Variants in NKAIN3 observed in about 807,000 individuals in gnomAD.
NKAIN3 encodes sodium/potassium-transporting ATPase subunit beta-1-interacting protein 3.
A neutral mutation model predicts 30.2 loss-of-function variants in NKAIN3; 25 were observed. That is an observed-to-expected ratio of 0.83 (90% confidence interval 0.60 to 1.16). The LOEUF (loss-of-function observed/expected upper bound fraction) is 1.16. Ranked by LOEUF, NKAIN3 falls within the 50% of genes most tolerant of loss-of-function variation. The probability of loss-of-function intolerance (pLI) is 0.00; values close to 1 mark genes in which losing one functional copy is unlikely to be tolerated. For synonymous variants in NKAIN3, 91 were observed against 89.6 expected, an observed-to-expected ratio of 1.02 and a Z score of -0.09; for missense variants, 225 against 254.1, an observed-to-expected ratio of 0.89 and a Z score of 0.78.
intron 3 of NKAIN3, among the ~76,000 whole-genome samples, chr8:62,740,180 G>C (rs1002410043): frequency 6.6e-6 from 1 of 152,012 alleles, no homozygotes; most frequent in Non-Finnish European, 1.5e-5. Context: ...AGAAAAATAA[G>C]ACATTTGCCC....
intron 1 of NKAIN3, among the ~76,000 whole-genome samples, chr8:62,347,895 T>A (rs1373491575): frequency 6.6e-6 from 1 of 152,094 alleles, no homozygotes; most frequent in African/African-American, 2.4e-5. Context: ...AAGAGATTCT[T>A]CATTAATCAG....
chr8:62,251,597 A>T (rs1812105193), intron 1 of NKAIN3, among the ~76,000 whole-genome samples: 1 of 152,234 alleles, frequency 6.6e-6, no homozygotes, highest in African/African-American at 2.4e-5. Flanking sequence ...ATTGGATAAT[A>T]GTTTTTAAAT....
rs201511724 is a variant in NKAIN3, at chr8:62,454,301, C to CAAA, written c.55-125218_55-125216dup. Among the ~76,000 whole-genome samples the CAAA allele has an allele frequency of 3.5e-3, 198 of 56,128 alleles. 15 individuals are homozygous for CAAA. Among genetic ancestry groups the CAAA allele is most frequent in the African/African-American group, 8.8e-3 (157 of 17,788 alleles). 36.8% of individuals were successfully genotyped at this position (56,128 alleles called of 152,430 possible). ...ACCAACACTAACAATAGCTGATGTG[C>CAAA]AAAAAAAAAAAAAAAAAAAAAATCT... is the stretch of plus-strand genomic sequence containing the variant. On this transcript the variant is annotated intron_variant, in intron 1 of 6. Transcript: ENST00000623646.
At chr8:62,794,579 G>A (rs1466978468) in intron 4 of NKAIN3, among the ~76,000 whole-genome samples, 1 of 152,072 alleles carries the variant, frequency 6.6e-6, no homozygotes, top group Non-Finnish European at 1.5e-5. Context: ...GAAAAGTAAG[G>A]GTAGCGAGCA....
intron 1 of NKAIN3, among the ~76,000 whole-genome samples, chr8:62,337,827 T>C (rs1815615530): frequency 6.6e-6 from 1 of 152,034 alleles, no homozygotes; most frequent in South Asian, 2.1e-4. Context: ...CTGAATTAAT[T>C]TCACAACTGC....
intron 1 of NKAIN3, among the ~76,000 whole-genome samples, chr8:62,526,376 T>G (rs1808305388): frequency 6.6e-6 from 1 of 152,124 alleles, no homozygotes; most frequent in African/African-American, 2.4e-5. Context: ...ATAGCAAAAT[T>G]TCCATTATAG....
intron 3 of NKAIN3, among the ~76,000 whole-genome samples, chr8:62,615,194 A>G (rs1178657541): frequency 6.6e-6 from 1 of 152,160 alleles, no homozygotes; most frequent in Non-Finnish European, 1.5e-5. Flanking sequence ...TCAGAGCCCA[A>G]CAGCTCTTCA....
At chr8:62,661,933 A>G (rs190192296) in intron 3 of NKAIN3, among the ~76,000 whole-genome samples, 1 of 152,204 alleles carries the variant, frequency 6.6e-6, no homozygotes, top group East Asian at 1.9e-4. Context: ...CCACTCACCA[A>G]GGTCTCCAGC....
At chr8:62,513,510 A>C (rs1375435752) in intron 1 of NKAIN3, among the ~76,000 whole-genome samples, 1 of 152,150 alleles carries the variant, frequency 6.6e-6, no homozygotes, top group African/African-American at 2.4e-5. Context: ...AGCTGCAATC[A>C]GATAGATGAG....
At chr8:62,264,290 G>A (rs1812540131) in intron 1 of NKAIN3, among the ~76,000 whole-genome samples, 1 of 152,148 alleles carries the variant, frequency 6.6e-6, no homozygotes, top group Admixed American at 6.5e-5. Flanking sequence ...TGGTGTTATT[G>A]TCCCACTTTG....
At chr8:62,466,165 A>T (rs1161517341) in intron 1 of NKAIN3, among the ~76,000 whole-genome samples, 1 of 152,208 alleles carries the variant, frequency 6.6e-6, no homozygotes, top group Non-Finnish European at 1.5e-5. Context: ...CGAAAGTTCA[A>T]GTTAATAATG....
chr8:62,391,142 T>A (rs1244940564), intron 1 of NKAIN3, among the ~76,000 whole-genome samples: 1 of 152,060 alleles, frequency 6.6e-6, no homozygotes, highest in Non-Finnish European at 1.5e-5. Context: ...AATGTTGTCT[T>A]CCAGAAATTG....
At chr8:62,841,258 A>G (rs1819522659) in intron 4 of NKAIN3, among the ~76,000 whole-genome samples, 1 of 152,164 alleles carries the variant, frequency 6.6e-6, no homozygotes. Context: ...TGTATATAAT[A>G]CGGAGTTATT....
intron 4 of NKAIN3, among the ~76,000 whole-genome samples, chr8:62,868,689 GA>G (rs1285510435): frequency 6.6e-5 from 10 of 152,290 alleles, no homozygotes; most frequent in African/African-American, 1.2e-4. Flanking sequence ...CTTATATCCT[GA>G]AAAACTTAGT....
At chr8:62,932,597 T>A (rs1822654789) in intron 5 of NKAIN3, among the ~76,000 whole-genome samples, 2 of 152,138 alleles carry the variant, frequency 1.3e-5, no homozygotes, top group Admixed American at 6.5e-5. Context: ...AAAATCTGGA[T>A]CAATCAGGAA....
intron 1 of NKAIN3, among the ~76,000 whole-genome samples, chr8:62,511,388 C>T (rs948629003): frequency 1.3e-5 from 2 of 152,118 alleles, no homozygotes; most frequent in Non-Finnish European, 2.9e-5. Context: ...GCAGCCTGCC[C>T]GCTGCAGGCC....
intron 1 of NKAIN3, among the ~76,000 whole-genome samples, chr8:62,414,527 G>A (rs1346501012): frequency 2.6e-5 from 4 of 152,144 alleles, no homozygotes; most frequent in African/African-American, 9.7e-5. Context: ...TAATGCCGAA[G>A]ATCTGATAAG....
chr8:62,754,028 T>C (rs1271073448), intron 4 of NKAIN3, among the ~76,000 whole-genome samples: 1 of 152,160 alleles, frequency 6.6e-6, no homozygotes, highest in Non-Finnish European at 1.5e-5. Context: ...TTTAGAATTA[T>C]GGATATGCCT....
chr8:62,308,666 G>A (rs1465052750), intron 1 of NKAIN3, among the ~76,000 whole-genome samples: 1 of 150,412 alleles, frequency 6.6e-6, no homozygotes, highest in African/African-American at 2.5e-5. Context: ...AGTTGGTAAT[G>A]AATTAACTGT....
Sources: allele counts gnomAD v4.1 joint callset (sites outside exome capture counted in the v4.1 genomes callset), GRCh38; gene constraint gnomAD v4.1.1; transcripts MANE v1.5; gene names NCBI Gene and HGNC (gene_info 2026-07-23, HGNC 2026-07-21).